Variants in MYBPC3 observed in about 807,000 individuals in gnomAD.
MYBPC3 encodes the protein myosin binding protein C3, also known as myosin-binding protein C, cardiac-type.
In MYBPC3, 108 loss-of-function variants were observed where a neutral mutation model predicts 159.3. The observed-to-expected ratio is 0.68, with a 90% CI of 0.58 to 0.80. MYBPC3 has a LOEUF of 0.80. Among genes scored for constraint, MYBPC3 ranks in the 30% least tolerant of loss-of-function variants. The pLI is 0.00. For missense variants in MYBPC3, 1,631 were observed against 1,762.1 expected, an observed-to-expected ratio of 0.93 and a Z score of 1.33; for synonymous variants, 730 against 702.0, an observed-to-expected ratio of 1.04 and a Z score of -0.63.
At position 47,343,481 on chromosome 11, in the gene MYBPC3, C is replaced by G. The variant is rs1164785706; in HGVS notation, c.1223+11G>C. The G allele has an allele frequency of 2.5e-6, 4 of 1,573,806 alleles. No individual in the cohort carries two copies. Among genetic ancestry groups the G allele is most frequent in the Non-Finnish European group, 3.4e-6 (4 of 1,160,340 alleles). ...CTCCACCCGAGCCCCCCTCCCCACCCCAGGCTGCACCTGCCGCTCATCTGG... is the reference window on the plus strand; with the variant it reads ...CTCCACCCGAGCCCCCCTCCCCACCGCAGGCTGCACCTGCCGCTCATCTGG... On this transcript the variant is annotated intron_variant, in intron 13 of 34. Transcript: ENST00000545968.
intron 23 of MYBPC3, 60 bp from the exon 24 acceptor site, chr11:47,337,854 T>C: frequency 6.9e-7 from 1 of 1,448,638 alleles, no homozygotes. Flanking sequence ...TGAGTAACGT[T>C]GCTCGTCCCC....
At chr11:47,343,411 A>G in intron 13 of MYBPC3, 81 bp downstream of exon 13, 1 of 1,503,416 alleles carries the variant, frequency 6.7e-7, no homozygotes, top group Non-Finnish European at 8.9e-7. Context: ...AGTCAGAGAT[A>G]CGCATGTGGA....
At chr11:47,350,645 C>G in intron 2 of MYBPC3, 30 bp from the exon 3 acceptor site, 1 of 1,446,936 alleles carries the variant, frequency 6.9e-7, no homozygotes, top group Non-Finnish European at 9.0e-7. Context: ...AGTCGTGGTG[C>G]AGCCACTAAC....
intron 33 of MYBPC3, 82 bp from the exon 34 acceptor site, chr11:47,331,963 C>T (rs777469235): frequency 2.5e-6 from 4 of 1,594,592 alleles, no homozygotes; most frequent in Non-Finnish European, 3.4e-6. Context: ...GGGTCCGTGC[C>T]CTTGCAGCCA....
rs1365616507 is a variant in MYBPC3, at chr11:47,346,370, C to T, written c.927G>A (p.Arg309=). The change falls in exon 12 of 35, where the codon AGG becomes AGA. Residue 309 remains arginine, a splice_region_variant and synonymous_variant. Coordinates refer to ENST00000545968, the MANE Select transcript of MYBPC3 (RefSeq NM_000256.3). This position sits in a 1 kb window ranked among gnomAD's most constrained non-coding sequence, Gnocchi z 5.3. ...CTGCTGGTGCCTCCAGCTTCGAGTC[C>T]CTGTGTCCCGCAGTCTAGGCTGTGG... ...LKKRDSFRTP[R]DSKLEAPAEE... is the part of the protein sequence containing the mutation. The T allele has an allele frequency of 1.9e-6, 3 of 1,579,530 alleles. No homozygotes were observed. Among genetic ancestry groups the T allele is most frequent in the Non-Finnish European group, 1.7e-6 (2 of 1,161,288 alleles).
rs1045051622 is a variant in MYBPC3 at position 47,332,923 on chromosome 11, T to A, written c.3381A>T (p.Pro1127=). ...AGTAGCCATTGCCAATGATGAGCTC[T>A]GGCACCACGCAGTGGGTGCGGCGGT... ...EHYRRTHCVV[P]ELIIGNGYYF... Residue 1127 remains proline (P), a synonymous_variant, in exon 31 of 35, where the codon CCA becomes CCT. Transcript: ENST00000545968. The surrounding 1 kb of genome is among the most constrained non-coding windows in gnomAD (Gnocchi z 4.2). 1 of 1,610,362 alleles carries A rather than the reference T, an allele frequency of 6.2e-7. No homozygotes were observed.
At chr11:47,341,312 G>T in intron 18 of MYBPC3, 68 bp from the exon 19 acceptor site, 1 of 1,301,032 alleles carries the variant, frequency 7.7e-7, no homozygotes, top group Non-Finnish European at 1.1e-6. Context: ...AGATACCCCA[G>T]CCAGGGTCCC....
chr11:47,331,754 C>G (rs2095875749), intron 34 of MYBPC3, 38 bp from the exon 35 acceptor site: 6 of 1,306,536 alleles, frequency 4.6e-6, no homozygotes, highest in Non-Finnish European at 5.3e-6. Flanking sequence ...ATGGAGGGCC[C>G]CTACAGCCTC....
chr11:47,333,232 A>C lies in MYBPC3; in HGVS notation c.3292T>G (p.Trp1098Gly). ...TCGGCTTTCTGCACTGTGTACCCCC[A>C]GAGCTCCGTGTTGCCGACATCCTGG... ...PPQDVGNTEL[W>G]GYTVQKADKK... Residue 1098 changes from tryptophan (W) to glycine (G), a missense_variant, in exon 30 of 35, where the codon TGG (tryptophan) becomes GGG (glycine). Transcript: ENST00000545968. 1 of 1,595,236 alleles carries C rather than the reference A, an allele frequency of 6.3e-7. No homozygotes were observed. Among genetic ancestry groups the C allele is most frequent in the Non-Finnish European group, 8.5e-7 (1 of 1,170,456 alleles).
In MYBPC3 at chr11:47,343,821, C is replaced by T. The variant is rs11570071; in HGVS notation, c.1091-197G>A. ...TGTTTGTTTTTTGGACAGAGTCTTG[C>T]TCTGTTGGCCAGGCTGGAGTGCAAT... On this transcript the variant is annotated intron_variant, in intron 12 of 34. Transcript: ENST00000545968. Among the ~76,000 whole-genome samples, 1,112 of 152,312 alleles carry T rather than the reference C, an allele frequency of 7.3e-3. 5 individuals are homozygous for T. Among genetic ancestry groups the T allele is most frequent in the Non-Finnish European group, 0.012 (811 of 68,022 alleles).
intron 5 of MYBPC3, among the ~76,000 whole-genome samples, chr11:47,348,841 G>A (rs983344290): frequency 7.0e-6 from 1 of 141,898 alleles, no homozygotes; most frequent in African/African-American, 2.6e-5. Flanking sequence ...GGAGGTGGAG[G>A]TTGCAGTGAG....
At position 47,333,298 on chromosome 11, in the gene MYBPC3, C is replaced by T; in HGVS notation, c.3226G>A (p.Asp1076Asn). Residue 1076 changes from aspartate (D) to asparagine (N), a missense_variant, in exon 30 of 35, where the codon GAC (aspartate) becomes AAC (asparagine). Physicochemically the swap from Asp to Asn is conservative, Grantham distance 23. Transcript: ENST00000545968. ...AGAGCCACATTAAGACCCCAGGCGT[C>T]AGTCACCCGGAGATCCTGGGGAGGA... ...PSPPQDLRVTDAWGLNVALEW... is the reference protein window; with the variant it reads ...PSPPQDLRVTNAWGLNVALEW... 6.3e-7 allele frequency: 1 copy of T among 1,590,468 alleles called. No homozygotes were observed.
At position 47,342,735 on chromosome 11, in the gene MYBPC3, G is replaced by C. The variant is rs35690719; in HGVS notation, c.1467C>G (p.Asp489Glu). ...EEGAQVKWLK[D>E]GVELTREETF... ...TCTCCTCCCGGGTCAGCTCCACCCC[G>C]TCCTTCAGCCTAGCCGGGTGGGTGG... The change falls in exon 17 of 35, where the codon GAC becomes GAG. Residue 489 changes from aspartate (D) to glutamate (E), a missense_variant. Transcript: ENST00000545968. 1.2e-6 allele frequency: 2 copies of C among 1,613,928 alleles called. No individual in the cohort carries two copies. Among genetic ancestry groups the C allele is most frequent in the Non-Finnish European group, 1.7e-6 (2 of 1,179,844 alleles).
Position 47,341,201 on chromosome 11 carries a change from C to CTTGAAT in MYBPC3, c.1833_1834insATTCAA (p.Glu611_Ala612insIleGln). ...CCCTCGGGCACAAAGCTGTAGTCAG[C>CTTGAAT]CTCGTCGGCAGGTGTGACGTCGTCA... On this transcript the variant is annotated inframe_insertion, in exon 19 of 35. Transcript: ENST00000545968. 1 of 1,592,074 alleles carries CTTGAAT rather than the reference C, an allele frequency of 6.3e-7. No individual in the cohort carries two copies. The highest frequency in any genetic ancestry group is 1.1e-5 in the South Asian group (1 of 87,216).
In MYBPC3 at chr11:47,342,109, C is replaced by T. The variant is rs727503198; in HGVS notation, c.1672G>A (p.Ala558Thr). The T allele has an allele frequency of 1.5e-5, 25 of 1,613,828 alleles. No homozygotes were observed. Among genetic ancestry groups the T allele is most frequent in the South Asian group, 2.2e-5 (2 of 91,064 alleles). The change falls in exon 18 of 35, where the codon GCA (alanine) becomes ACA (threonine). Residue 558 changes from alanine (A) to threonine (T), a missense_variant. By Grantham distance (58) the Ala-to-Thr change is moderately conservative. Coordinates refer to ENST00000545968, the MANE Select transcript of MYBPC3 (RefSeq NM_000256.3). The stretch of plus-strand genomic sequence containing the variant: ...CATTTGAACACCGCCTGGTCCTTTG[C>T]GCCCACCATCAGGTCTGCGATGCTC... ...YQSIADLMVG[A>T]KDQAVFKCEV...
intron 2 of MYBPC3, 89 bp from the exon 3 acceptor site, chr11:47,350,704 G>A (rs1159887710): frequency 2.8e-5 from 39 of 1,385,176 alleles, no homozygotes; most frequent in Non-Finnish European, 3.5e-5. Context: ...CCATGAGCCC[G>A]CTGTGGATGA....
At chr11:47,342,339 C>T (rs575080864) in intron 17 of MYBPC3, among the ~76,000 whole-genome samples, 183 bp from the exon 18 acceptor site, 4 of 152,342 alleles carry the variant, frequency 2.6e-5, no homozygotes, top group Admixed American at 2.6e-4. Context: ...CATAAGGAAC[C>T]TCAAGTGTCT....
In MYBPC3 at chr11:47,338,075, CA is replaced by C. The variant is rs2095884336; in HGVS notation, c.2309-282del. On this transcript the variant is annotated intron_variant, in intron 23 of 34. Coordinates refer to ENST00000545968, the MANE Select transcript of MYBPC3 (RefSeq NM_000256.3). This position sits in a 1 kb window ranked among gnomAD's most constrained non-coding sequence, Gnocchi z 4.7. ...CAACCCTTTAAGGCTTCTCACTGCC[CA>C]TATTCACCCCTGTCCTGGCTCTGAT... Among the ~76,000 whole-genome samples the C allele has an allele frequency of 6.6e-6, 1 of 151,360 alleles. No individual in the cohort carries two copies. Among genetic ancestry groups the C allele is most frequent in the South Asian group, 2.1e-4 (1 of 4,798 alleles).
intron 2 of MYBPC3, among the ~76,000 whole-genome samples, chr11:47,350,860 C>T (rs2095900026): frequency 6.6e-6 from 1 of 152,184 alleles, no homozygotes; most frequent in South Asian, 2.1e-4. Context: ...CTGAACAGCT[C>T]CAGGTCCATC....
Sources: allele counts gnomAD v4.1 joint callset (sites outside exome capture counted in the v4.1 genomes callset), GRCh38; gene constraint gnomAD v4.1.1; non-coding constraint Gnocchi (gnomAD v3.1); transcripts MANE v1.5; gene names NCBI Gene and HGNC (gene_info 2026-07-23, HGNC 2026-07-21).